The following ABCA13 variants were observed in gnomAD, a reference collection of about 807,000 sequenced individuals.
The protein encoded by ABCA13 is ATP binding cassette subfamily A member 13.
ABCA13 carries 476 observed loss-of-function variants against 478.7 expected under a neutral mutation model. That is an observed-to-expected ratio of 0.99 (90% CI 0.92 to 1.07). The LOEUF is 1.07. Ranked by LOEUF, ABCA13 falls within the 50% of genes least tolerant of loss-of-function variation. ABCA13 has a pLI of 0.00. For synonymous variants in ABCA13, 2,252 were observed against 2,158.9 expected, an observed-to-expected ratio of 1.04 and a Z score of -1.20; for missense variants, 6,060 against 5,910.6, an observed-to-expected ratio of 1.03 and a Z score of -0.83.
chr7:48,580,484 A>T, intron 56 of ABCA13, 110 bp downstream of exon 56: 1 of 1,035,804 alleles, frequency 9.7e-7, no homozygotes, highest in Non-Finnish European at 1.4e-6. Context: ...GAACTGTAGT[A>T]TCAGATAAAC....
chr7:48,171,636 C>T, intron 1 of ABCA13, 84 bp downstream of exon 1: 3 of 1,425,432 alleles, frequency 2.1e-6, no homozygotes, highest in South Asian at 2.5e-5. Context: ...CTGCCTCTGC[C>T]TCCTGGCAGG....
chr7:48,380,831 T>G (rs1055000173), intron 35 of ABCA13, among the ~76,000 whole-genome samples: 1 of 152,244 alleles, frequency 6.6e-6, no homozygotes, highest in Middle Eastern at 3.4e-3. Context: ...TGGATGTGCC[T>G]TTCACAAGCA....
At chr7:48,422,548 A>T (rs1865194) in intron 41 of ABCA13, among the ~76,000 whole-genome samples, 19,232 of 151,970 alleles carry the variant, frequency 0.13, 1,512 homozygotes, top group African/African-American at 0.2. Flanking sequence ...CAGACATTGA[A>T]TTTTTTTTCA....
chr7:48,429,010 T>C (rs994538883), intron 42 of ABCA13, among the ~76,000 whole-genome samples: 8 of 152,330 alleles, frequency 5.3e-5, no homozygotes, highest in African/African-American at 1.9e-4. Context: ...GATGTGCCTA[T>C]TTTGGACATT....
chr7:48,317,338 C>T (rs778114986), intron 27 of ABCA13, 42 bp downstream of exon 27: 31 of 1,563,372 alleles, frequency 2.0e-5, no homozygotes, highest in Middle Eastern at 1.9e-4. Flanking sequence ...CATACATACA[C>T]TAAATCAGGA....
Position 48,528,262 on chromosome 7 carries a change from A to G in ABCA13, c.14271A>G (p.Gly4757=), listed in dbSNP as rs1833007374. 7.0e-6 allele frequency: 11 copies of G among 1,577,100 alleles called. No individual in the cohort carries two copies. The highest frequency in any genetic ancestry group is 9.5e-6 in the Non-Finnish European group (11 of 1,160,100). ...GCTTTGGACTTCTAGGGGTGAATGG[A>G]GCTGGGAAGAGCACGACTTTCAAAA... ...GECFGLLGVN[G]AGKSTTFKML... Residue 4757 remains glycine, a synonymous_variant, in exon 55 of 62, where the codon GGA becomes GGG. Transcript: ENST00000435803.
chr7:48,565,823 G>A (rs1787000000), intron 55 of ABCA13, among the ~76,000 whole-genome samples: 1 of 151,958 alleles, frequency 6.6e-6, no homozygotes, highest in African/African-American at 2.4e-5. Flanking sequence ...ACAGGCTCAG[G>A]GCCTTCTCCT....
At chr7:48,589,831 A>G (rs1215425078) in intron 57 of ABCA13, among the ~76,000 whole-genome samples, 1 of 152,178 alleles carries the variant, frequency 6.6e-6, no homozygotes, top group Non-Finnish European at 1.5e-5. Context: ...TCACAAGGCA[A>G]AAGTCAGAAG....
At chr7:48,482,361 A>G (rs1828857001) in intron 46 of ABCA13, among the ~76,000 whole-genome samples, 1 of 151,276 alleles carries the variant, frequency 6.6e-6, no homozygotes, top group African/African-American at 2.4e-5. Flanking sequence ...GAGTGGCTCA[A>G]AAGATTATGA....
chr7:48,311,029 A>G (rs1405467499), intron 24 of ABCA13, among the ~76,000 whole-genome samples: 1 of 151,994 alleles, frequency 6.6e-6, no homozygotes, highest in Non-Finnish European at 1.5e-5. Context: ...ACCCTTAGGC[A>G]CTGATCTTGC....
Position 48,425,900 on chromosome 7 carries a change from C to T in ABCA13, c.12460-1866C>T, listed in dbSNP as rs999484195. ...GGGACTACAGGCGCCCGCCACCTCGCCCGGCTAATTTTTTGTATTTTTAGT... is the reference window on the plus strand; with the variant it reads ...GGGACTACAGGCGCCCGCCACCTCGTCCGGCTAATTTTTTGTATTTTTAGT... On this transcript the variant is annotated intron_variant, in intron 41 of 61. Coordinates refer to ENST00000435803, the MANE Select transcript of ABCA13 (RefSeq NM_152701.5). 2.6e-5 allele frequency among the ~76,000 whole-genome samples: 4 copies of T among 152,098 alleles called. No individual in the cohort carries two copies. The South Asian group carries it at 8.3e-4, about 32-fold the overall frequency.
chr7:48,367,563 C>G (rs560471224), intron 31 of ABCA13, among the ~76,000 whole-genome samples: 172 of 152,238 alleles, frequency 1.1e-3, no homozygotes, highest in African/African-American at 4.0e-3. Flanking sequence ...GGCTATGGCT[C>G]TCTGAGAGAT....
At chr7:48,369,425 T>C (rs1812290553) in intron 32 of ABCA13, among the ~76,000 whole-genome samples, 1 of 152,192 alleles carries the variant, frequency 6.6e-6, no homozygotes, top group African/African-American at 2.4e-5. Flanking sequence ...TTTGTTTTCG[T>C]TGCATTTGCT....
chr7:48,384,154 C>T (rs1260444054), intron 35 of ABCA13, among the ~76,000 whole-genome samples: 1 of 152,236 alleles, frequency 6.6e-6, no homozygotes, highest in Non-Finnish European at 1.5e-5. Context: ...CCCACTTAAG[C>T]TGCGACTGAG....
intron 56 of ABCA13, among the ~76,000 whole-genome samples, chr7:48,583,518 T>G (rs1788895961): frequency 6.6e-6 from 1 of 152,214 alleles, no homozygotes; most frequent in Non-Finnish European, 1.5e-5. Flanking sequence ...TTTATGGAAG[T>G]CCTACTATGT....
intron 55 of ABCA13, among the ~76,000 whole-genome samples, chr7:48,546,999 T>C (rs1385136781): frequency 6.6e-6 from 1 of 151,650 alleles, no homozygotes; most frequent in Non-Finnish European, 1.5e-5. Flanking sequence ...AGGAAAACAA[T>C]GAAAGAAAGT....
intron 57 of ABCA13, among the ~76,000 whole-genome samples, chr7:48,587,689 G>T (rs1789318363): frequency 6.6e-6 from 1 of 152,180 alleles, no homozygotes; most frequent in Non-Finnish European, 1.5e-5. Context: ...TTAAAGATGG[G>T]TGTTGAGAGT....
At chr7:48,301,074 C>T (rs1406047872) in intron 23 of ABCA13, among the ~76,000 whole-genome samples, 1 of 152,262 alleles carries the variant, frequency 6.6e-6, no homozygotes, top group East Asian at 1.9e-4. Flanking sequence ...AACAATTAGG[C>T]AGAGTTCAGA....
chr7:48,345,102 G>T (rs1264586082), intron 29 of ABCA13, among the ~76,000 whole-genome samples: 1 of 152,190 alleles, frequency 6.6e-6, no homozygotes, highest in Non-Finnish European at 1.5e-5. Context: ...TGACTTTGTA[G>T]CTGTCAGCAC....
Sources: gnomAD v4.1 joint callset for allele counts (sites outside exome capture counted in the v4.1 genomes callset) on GRCh38, gnomAD v4.1.1 for gene constraint, MANE v1.5 for transcripts, NCBI Gene and HGNC (gene_info 2026-07-23, HGNC 2026-07-21) for gene names.